The following ITFG1 variants were observed in gnomAD, a reference collection of about 807,000 sequenced individuals.
The protein encoded by ITFG1 is integrin alpha FG-GAP repeat containing 1, also known as T-cell immunomodulatory protein.
ITFG1 carries 34 observed loss-of-function variants against 81.8 expected under a neutral mutation model. The observed-to-expected ratio is 0.42, with a 90% CI of 0.32 to 0.55. The LOEUF (loss-of-function observed/expected upper bound fraction) is 0.55. ITFG1 is among the 20% of genes least tolerant of loss of function. ITFG1 has a pLI of 0.17. For synonymous variants in ITFG1, 285 were observed against 270.6 expected, an observed-to-expected ratio of 1.05 and a Z score of -0.52; for missense variants, 672 against 755.4, an observed-to-expected ratio of 0.89 and a Z score of 1.29.
At chr16:47,351,589 A>T (rs1596920700) in intron 8 of ITFG1, among the ~76,000 whole-genome samples, 1 of 152,230 alleles carries the variant, frequency 6.6e-6, no homozygotes, top group South Asian at 2.1e-4. Context: ...AGAACATTCC[A>T]TGCTCATGGA....
intron 1 of ITFG1, among the ~76,000 whole-genome samples, chr16:47,460,442 A>C (rs1376025085): frequency 1.3e-5 from 2 of 152,220 alleles, no homozygotes; most frequent in Non-Finnish European, 1.5e-5. Context: ...AGGAAGACTG[A>C]AGCAAAATAG....
chr16:47,156,362 C>T (rs1004550464), intron 17 of ITFG1, among the ~76,000 whole-genome samples: 1 of 152,154 alleles, frequency 6.6e-6, no homozygotes, highest in African/African-American at 2.4e-5. Context: ...TCGCTTGAAC[C>T]CAGGAGCGGA....
chr16:47,435,794 T>C (rs775539753), intron 5 of ITFG1, among the ~76,000 whole-genome samples: 3 of 152,164 alleles, frequency 2.0e-5, no homozygotes, highest in Non-Finnish European at 4.4e-5. Context: ...GAATTTTGAA[T>C]GCTGAAAAAC....
Position 47,190,050 on chromosome 16 carries a change from A to G in ITFG1, c.1454-27386T>C, listed in dbSNP as rs542102961. Among the ~76,000 whole-genome samples, 8 of 152,298 alleles carry G rather than the reference A, an allele frequency of 5.3e-5. No individual in the cohort carries two copies. In the East Asian group the frequency reaches 1.5e-3, roughly 29 times the overall value. ...AGCTGTCATCCTCTGGATTAAAAAA[A>G]AAATCCCTCAGGTTCCAAAGTGAAC... On this transcript the variant is annotated intron_variant, in intron 14 of 17. Coordinates refer to ENST00000320640, the MANE Select transcript of ITFG1 (RefSeq NM_030790.5).
chr16:47,441,214 G>A (rs1394876485), intron 5 of ITFG1, among the ~76,000 whole-genome samples: 3 of 152,152 alleles, frequency 2.0e-5, no homozygotes, highest in African/African-American at 7.2e-5. Flanking sequence ...AAAAGTCCAG[G>A]ACCAGATGGA....
At chr16:47,184,142 C>T (rs1005403666) in intron 14 of ITFG1, among the ~76,000 whole-genome samples, 2 of 152,198 alleles carry the variant, frequency 1.3e-5, no homozygotes, top group African/African-American at 4.8e-5. Flanking sequence ...AAGACCAAAT[C>T]TACGTGTGAC....
chr16:47,420,621 A>G (rs1968933978), intron 6 of ITFG1, among the ~76,000 whole-genome samples: 1 of 152,188 alleles, frequency 6.6e-6, no homozygotes. Flanking sequence ...TTCCATAAAA[A>G]TATCCTCGAG....
At chr16:47,399,313 C>A (rs1205568600) in intron 6 of ITFG1, among the ~76,000 whole-genome samples, 1 of 152,206 alleles carries the variant, frequency 6.6e-6, no homozygotes, top group Non-Finnish European at 1.5e-5. Context: ...GTGGCTTACG[C>A]CTGTAATCCC....
Position 47,154,684 on chromosome 16 carries a change from G to GT in ITFG1, c.*1034dup, listed in dbSNP as rs1381892134. On this transcript the variant is annotated 3_prime_UTR_variant, in exon 18 of 18. Coordinates refer to ENST00000320640, the MANE Select transcript of ITFG1 (RefSeq NM_030790.5). ...ATGTAAATTATAGACTTCTCCAAGTGTTTGAGAATAGAAATGTGATTGAAG... is the reference window on the plus strand; with the variant it reads ...ATGTAAATTATAGACTTCTCCAAGTGTTTTGAGAATAGAAATGTGATTGAAG... 1 of 152,146 alleles carries GT rather than the reference G, an allele frequency of 6.6e-6. No homozygotes were observed. Among genetic ancestry groups the GT allele is most frequent in the Non-Finnish European group, 1.5e-5 (1 of 68,030 alleles). 9.4% of individuals were successfully genotyped at this position (152,146 alleles called of 1,614,324 possible).
intron 10 of ITFG1, among the ~76,000 whole-genome samples, chr16:47,277,358 A>G (rs1190076759): frequency 6.6e-6 from 1 of 152,160 alleles, no homozygotes; most frequent in Non-Finnish European, 1.5e-5. Context: ...ACCCAAATCC[A>G]CACATACTGA....
intron 14 of ITFG1, among the ~76,000 whole-genome samples, chr16:47,203,054 GTT>G (rs1322215140): frequency 1.3e-5 from 2 of 152,132 alleles, no homozygotes; most frequent in Non-Finnish European, 2.9e-5. Flanking sequence ...GTACACCCAT[GTT>G]TATAGCAGGA....
chr16:47,306,628 A>C (rs901696998), intron 10 of ITFG1, among the ~76,000 whole-genome samples: 2 of 151,446 alleles, frequency 1.3e-5, no homozygotes, highest in Non-Finnish European at 1.5e-5. Flanking sequence ...TTAGTTTAGT[A>C]TTCAATGAAA....
chr16:47,443,647 G>A (rs1363525968), intron 5 of ITFG1, among the ~76,000 whole-genome samples: 1 of 152,046 alleles, frequency 6.6e-6, no homozygotes, highest in Non-Finnish European at 1.5e-5. Context: ...CTATCGCAAG[G>A]AGAAAAAACC....
chr16:47,357,099 A>G lies in ITFG1; in HGVS notation c.802+8689T>C, dbSNP rs142074293. Among the ~76,000 whole-genome samples the G allele has an allele frequency of 2.2e-3, 341 of 152,228 alleles. 1 individual carries two copies. Among genetic ancestry groups the G allele is most frequent in the Non-Finnish European group, 3.3e-3 (226 of 67,994 alleles). On this transcript the variant is annotated intron_variant, in intron 8 of 17. Coordinates refer to ENST00000320640, the MANE Select transcript of ITFG1 (RefSeq NM_030790.5). Reference sequence around the variant, plus strand: ...ACAGAACAGTTTCATGGGGTGCTCCATTTATCATAGATCAATTATATTAAC... The same window carrying G: ...ACAGAACAGTTTCATGGGGTGCTCCGTTTATCATAGATCAATTATATTAAC...
intron 6 of ITFG1, among the ~76,000 whole-genome samples, chr16:47,386,367 GCCAAAAACACA>G: frequency 6.6e-6 from 1 of 152,312 alleles, no homozygotes; most frequent in African/African-American, 2.4e-5. Flanking sequence ...GGAAGCTGCA[GCCAAAAACACA>G]GGGCTCCCCC....
At chr16:47,279,948 T>C (rs746670687) in intron 10 of ITFG1, among the ~76,000 whole-genome samples, 14 of 152,188 alleles carry the variant, frequency 9.2e-5, no homozygotes, top group Non-Finnish European at 1.6e-4. Flanking sequence ...AGAGTGATTC[T>C]TGTGTATTGA....
chr16:47,439,335 C>T (rs1377683361), intron 5 of ITFG1, among the ~76,000 whole-genome samples: 1 of 152,138 alleles, frequency 6.6e-6, no homozygotes, highest in Middle Eastern at 3.2e-3. Context: ...ATACAGAGAA[C>T]ACCACAAAGA....
chr16:47,188,471 G>A (rs1375352616), intron 14 of ITFG1, among the ~76,000 whole-genome samples: 1 of 150,938 alleles, frequency 6.6e-6, no homozygotes, highest in Non-Finnish European at 1.5e-5. Flanking sequence ...TAGGGACATG[G>A]ATGAAATTGG....
chr16:47,339,023 T>C (rs926249745), intron 8 of ITFG1, among the ~76,000 whole-genome samples: 2 of 152,230 alleles, frequency 1.3e-5, no homozygotes, highest in African/African-American at 4.8e-5. Context: ...TTTTAATTTT[T>C]AGATCCCATA....
Sources: gnomAD v4.1 joint callset for allele counts (sites outside exome capture counted in the v4.1 genomes callset) on GRCh38, gnomAD v4.1.1 for gene constraint, MANE v1.5 for transcripts, NCBI Gene and HGNC (gene_info 2026-07-23, HGNC 2026-07-21) for gene names.